CSMD1: variants seen among roughly 807,000 people sequenced by gnomAD.
The protein encoded by CSMD1 is CUB and Sushi multiple domains 1.
CSMD1 carries 213 observed loss-of-function variants against 417.5 expected under a neutral mutation model. The observed-to-expected ratio is 0.51, with a 90% CI of 0.46 to 0.57. The LOEUF is 0.57. Among genes scored for constraint, CSMD1 ranks in the 20% least tolerant of loss-of-function variants. CSMD1 has a pLI of 0.00. For synonymous variants in CSMD1, 2,862 were observed against 1,736.8 expected (o/e 1.65, Z -16.11); for missense variants, 6,923 against 4,529.7 (o/e 1.53, Z -15.17).
At chr8:3,155,524 C>T (rs1002251850) in intron 39 of CSMD1, among the ~76,000 whole-genome samples, 5 of 151,420 alleles carry the variant, frequency 3.3e-5, no homozygotes, top group African/African-American at 7.3e-5. Context: ...GTCGCCACCA[C>T]GCCCAGCTAA....
At chr8:3,984,774 T>C (rs1260887761) in intron 5 of CSMD1, among the ~76,000 whole-genome samples, 1 of 144,936 alleles carries the variant, frequency 6.9e-6, no homozygotes, top group African/African-American at 2.5e-5. Flanking sequence ...TGTGCGTGTG[T>C]GTGTGTGTGT....
In CSMD1 at chr8:2,938,624, C is replaced by T. The variant is rs1239944128; in HGVS notation, c.10656G>A (p.Arg3552=). ...AGACTGTGTTCAGAGTTGTGTCAAACCTCACAGCCTTGGCTTCTGTGGGTT... is the reference window on the plus strand; with the variant it reads ...AGACTGTGTTCAGAGTTGTGTCAAATCTCACAGCCTTGGCTTCTGTGGGTT... ...NLKPTEAKAV[R]FDTTLNTVCT... is the part of the protein sequence containing the mutation. Residue 3552 remains arginine (R), a synonymous_variant, in exon 70 of 70, where the codon AGG becomes AGA. Transcript: ENST00000635120. The T allele has an allele frequency of 1.2e-6, 2 of 1,612,238 alleles. No homozygotes were observed. Among genetic ancestry groups the T allele is most frequent in the African/African-American group, 1.3e-5 (1 of 75,042 alleles).
At position 4,761,886 on chromosome 8, in the gene CSMD1, T is replaced by TCTAC. The variant is rs200987498; in HGVS notation, c.86-124332_86-124329dup. ...ATCTATCTATCTATCTATCTATCTA[T>TCTAC]CTACCTACCTATCTATCTATCTATC... On this transcript the variant is annotated intron_variant, in intron 1 of 69. Transcript: ENST00000635120. 1.5e-4 allele frequency among the ~76,000 whole-genome samples: 14 copies of TCTAC among 92,440 alleles called. No individual in the cohort carries two copies. The East Asian group carries it at 2.5e-3, about 16-fold the overall frequency. 60.6% of individuals were successfully genotyped at this position (92,440 alleles called of 152,430 possible).
rs540295811 is a variant in CSMD1 at position 3,223,022 on chromosome 8, A to G, written c.4484+707T>C. On this transcript the variant is annotated intron_variant, in intron 28 of 69. Coordinates refer to ENST00000635120, the MANE Select transcript of CSMD1 (RefSeq NM_033225.6). ...CTGAAAGGTCAATAGGAAAGTCTAC[A>G]GAATGACTCACCTTCATAAACAACA... 2.0e-5 allele frequency among the ~76,000 whole-genome samples: 3 copies of G among 152,364 alleles called. No homozygotes were observed. In the East Asian group the frequency reaches 5.8e-4, roughly 29 times the overall value.
chr8:3,728,253 A>C (rs1802611983), intron 6 of CSMD1, among the ~76,000 whole-genome samples: 1 of 151,990 alleles, frequency 6.6e-6, no homozygotes, highest in Non-Finnish European at 1.5e-5. Context: ...CTTGGTTCTT[A>C]TTCTCTCTTT....
chr8:3,087,564 G>T (rs944914653), intron 48 of CSMD1, among the ~76,000 whole-genome samples: 1 of 152,186 alleles, frequency 6.6e-6, no homozygotes, highest in Non-Finnish European at 1.5e-5. Flanking sequence ...CCAATCTTTA[G>T]GCTTCCCTGG....
At position 3,120,458 on chromosome 8, in the gene CSMD1, A is replaced by C. The variant is rs185530952; in HGVS notation, c.6242-1871T>G. 3.9e-5 allele frequency among the ~76,000 whole-genome samples: 6 copies of C among 152,294 alleles called. No individual in the cohort carries two copies. In the East Asian group the frequency reaches 9.6e-4, roughly 24 times the overall value. ...AGTTTGTCTTCATTAACATTTGCCA[A>C]ATGTTAAGCATTCCATAGAGCCATG... On this transcript the variant is annotated intron_variant, in intron 41 of 69. Coordinates refer to ENST00000635120, the MANE Select transcript of CSMD1 (RefSeq NM_033225.6).
chr8:4,308,866 T>C (rs1277156038), intron 3 of CSMD1, among the ~76,000 whole-genome samples: 2 of 152,316 alleles, frequency 1.3e-5, no homozygotes, highest in East Asian at 3.9e-4. Flanking sequence ...ATGTAATGAT[T>C]ATATTATAGC....
At chr8:3,850,522 C>G (rs2954225) in intron 5 of CSMD1, among the ~76,000 whole-genome samples, 2 of 151,786 alleles carry the variant, frequency 1.3e-5, no homozygotes, top group East Asian at 3.9e-4. Flanking sequence ...TGGCAAAACC[C>G]CATCTCTATT....
At chr8:4,785,337 C>G (rs76784390) in intron 1 of CSMD1, among the ~76,000 whole-genome samples, 1,586 of 152,228 alleles carry the variant, frequency 0.01, 12 homozygotes, top group East Asian at 0.055. Flanking sequence ...AGACTTTGCT[C>G]TTAGGCTGAT....
chr8:4,824,364 G>A (rs957516129), intron 1 of CSMD1, among the ~76,000 whole-genome samples: 1 of 152,046 alleles, frequency 6.6e-6, no homozygotes, highest in Non-Finnish European at 1.5e-5. Context: ...TGAATGATAT[G>A]CAGAGTTTTA....
intron 5 of CSMD1, among the ~76,000 whole-genome samples, chr8:3,807,749 G>T (rs1585028716): frequency 1.3e-5 from 2 of 152,134 alleles, no homozygotes; most frequent in East Asian, 3.9e-4. Context: ...ATCATCTTTA[G>T]TCATCTATTT....
chr8:3,307,261 C>G (rs911358513), intron 25 of CSMD1, among the ~76,000 whole-genome samples: 3 of 152,060 alleles, frequency 2.0e-5, no homozygotes, highest in Non-Finnish European at 4.4e-5. Context: ...CGTGACTAGC[C>G]TGCTGCAGGA....
chr8:4,747,880 T>C (rs1811058762), intron 1 of CSMD1, among the ~76,000 whole-genome samples: 1 of 152,248 alleles, frequency 6.6e-6, no homozygotes, highest in Non-Finnish European at 1.5e-5. Context: ...CGCACCAGGA[T>C]ATCTGTTGTT....
At chr8:3,341,350 C>A (rs1465106106) in intron 23 of CSMD1, among the ~76,000 whole-genome samples, 2 of 152,114 alleles carry the variant, frequency 1.3e-5, no homozygotes, top group Non-Finnish European at 2.9e-5. Context: ...GATTCCAAGC[C>A]CCTGAAATTC....
intron 5 of CSMD1, among the ~76,000 whole-genome samples, chr8:3,807,420 T>C (rs1215328320): frequency 7.7e-6 from 1 of 130,662 alleles, no homozygotes; most frequent in Non-Finnish European, 1.8e-5. Flanking sequence ...GAGGATGTTT[T>C]CTCTGATTTT....
intron 3 of CSMD1, among the ~76,000 whole-genome samples, chr8:4,329,128 A>C (rs1321644816): frequency 6.6e-6 from 1 of 152,214 alleles, no homozygotes; most frequent in Non-Finnish European, 1.5e-5. Flanking sequence ...TATGGCTTCC[A>C]AACGTGTGTT....
At chr8:4,192,201 G>A (rs1036243342) in intron 3 of CSMD1, among the ~76,000 whole-genome samples, 2 of 152,070 alleles carry the variant, frequency 1.3e-5, no homozygotes, top group African/African-American at 4.8e-5. Flanking sequence ...AAAAATCAAA[G>A]TTAAAACAGC....
rs138079752 is a variant in CSMD1 at position 4,029,952 on chromosome 8, A to T, written c.610+1953T>A. ...AGTATAGAATCCAGTGGGGCAGTCA[A>T]ATCTTAAAGCTCCAAAATCATTTCC... is the stretch of plus-strand genomic sequence containing the variant. On this transcript the variant is annotated intron_variant, in intron 4 of 69. Coordinates refer to ENST00000635120, the MANE Select transcript of CSMD1 (RefSeq NM_033225.6). 2.0e-5 allele frequency among the ~76,000 whole-genome samples: 3 copies of T among 152,324 alleles called. No individual in the cohort carries two copies. The East Asian group carries it at 5.8e-4, about 30-fold the overall frequency.
Sources: gnomAD v4.1 joint callset for allele counts (sites outside exome capture counted in the v4.1 genomes callset) on GRCh38, gnomAD v4.1.1 for gene constraint, MANE v1.5 for transcripts, NCBI Gene and HGNC (gene_info 2026-07-23, HGNC 2026-07-21) for gene names.